Variants in ESRRG observed in about 807,000 individuals in gnomAD.
The protein encoded by ESRRG is estrogen-related receptor gamma.
In ESRRG, 13 loss-of-function variants were observed where a neutral mutation model predicts 44.0. The observed-to-expected ratio is 0.30, with a 90% CI of 0.19 to 0.47. The LOEUF (loss-of-function observed/expected upper bound fraction) is 0.47. ESRRG is among the 20% of genes least tolerant of loss of function. The probability of loss-of-function intolerance (pLI) is 1.00; values close to 1 mark genes in which losing one functional copy is unlikely to be tolerated. For synonymous variants in ESRRG, 215 were observed against 214.6 expected (o/e 1.00, Z -0.02); for missense variants, 395 against 580.6 (o/e 0.68, Z 3.29).
intron 2 of ESRRG, among the ~76,000 whole-genome samples, chr1:216,773,135 C>G (rs2093450013): frequency 6.6e-6 from 1 of 151,962 alleles, no homozygotes; most frequent in South Asian, 2.1e-4. Context: ...GAATCTCAAT[C>G]AAGTAAAGGA....
At chr1:217,005,061 G>T (rs1176928087) in intron 1 of ESRRG, among the ~76,000 whole-genome samples, 1 of 152,150 alleles carries the variant, frequency 6.6e-6, no homozygotes, top group Non-Finnish European at 1.5e-5. Flanking sequence ...AGATAACTCA[G>T]TGTTGTCAAA....
chr1:216,869,821 T>C (rs908161633), intron 2 of ESRRG, among the ~76,000 whole-genome samples: 2 of 152,024 alleles, frequency 1.3e-5, no homozygotes, highest in African/African-American at 2.4e-5. Flanking sequence ...ATAATTTTTT[T>C]AAATTTTTTA....
intron 1 of ESRRG, among the ~76,000 whole-genome samples, chr1:217,022,693 G>A (rs2080533042): frequency 6.6e-6 from 1 of 152,154 alleles, no homozygotes; most frequent in Non-Finnish European, 1.5e-5. Context: ...TTTCATGACC[G>A]AGTAAAATGG....
At chr1:216,939,359 A>AAAAAAC (rs2064783401) in intron 2 of ESRRG, among the ~76,000 whole-genome samples, 2 of 149,248 alleles carry the variant, frequency 1.3e-5, no homozygotes, top group African/African-American at 5.0e-5. Flanking sequence ...AAAAAAAAAA[A>AAAAAAC]AAAAAAAAAA....
At chr1:216,686,481 A>C (rs3900668) in intron 1 of ESRRG, among the ~76,000 whole-genome samples, 120,701 of 148,750 alleles carry the variant, frequency 0.81, 49,071 homozygotes, top group African/African-American at 0.83. Flanking sequence ...TATTCAGCAG[A>C]AACATAGCAT....
At position 216,723,248 on chromosome 1, in the gene ESRRG, C is replaced by T. The variant is rs972031090; in HGVS notation, c.52G>A (p.Glu18Lys). 2 of 1,597,748 alleles carry T rather than the reference C, an allele frequency of 1.3e-6. No homozygotes were observed. Among genetic ancestry groups the T allele is most frequent in the Non-Finnish European group, 1.7e-6 (2 of 1,168,552 alleles). ...LPESFSLHYEEELLCRMSNKD... is the reference protein window; with the variant it reads ...LPESFSLHYEKELLCRMSNKD... ...GGAAAGAAAAAAGGTACCTACTCTTCCTCGTAGTGCAGGGAAAAAGATTCA... is the reference window on the plus strand; with the variant it reads ...GGAAAGAAAAAAGGTACCTACTCTTTCTCGTAGTGCAGGGAAAAAGATTCA... Residue 18 changes from glutamate to lysine, a missense_variant, in exon 1 of 7, where the codon GAA (glutamate) becomes AAA (lysine). Physicochemically the swap from Glu to Lys is moderately conservative, Grantham distance 56. Coordinates refer to ENST00000408911, the MANE Select transcript of ESRRG (RefSeq NM_001438.4).
intron 2 of ESRRG, among the ~76,000 whole-genome samples, chr1:216,816,614 A>C (rs558975129): frequency 6.6e-6 from 1 of 152,318 alleles, no homozygotes; most frequent in East Asian, 1.9e-4. Context: ...TGCATGCCTA[A>C]GTTTCCTGAA....
intron 5 of ESRRG, among the ~76,000 whole-genome samples, chr1:216,542,077 A>G (rs2053024955): frequency 1.5e-5 from 1 of 66,710 alleles, no homozygotes; most frequent in African/African-American, 7.4e-5. Context: ...TATGACAGAG[A>G]GAGAGAGAGA....
intron 2 of ESRRG, among the ~76,000 whole-genome samples, chr1:216,735,049 C>T (rs1341804091): frequency 6.6e-6 from 1 of 150,960 alleles, no homozygotes; most frequent in South Asian, 2.1e-4. Context: ...GCTGGGATTA[C>T]AGGTGCCTGC....
At chr1:216,727,773 C>T (rs1455091094), upstream of ESRRG, among the ~76,000 whole-genome samples, 1 of 152,016 alleles carries the variant, frequency 6.6e-6, no homozygotes, top group African/African-American at 2.4e-5. Context: ...ACCTCTTGTC[C>T]TATAAATCCA....
intron 3 of ESRRG, among the ~76,000 whole-genome samples, chr1:216,582,010 G>T (rs1328704579): frequency 1.3e-5 from 2 of 152,144 alleles, no homozygotes; most frequent in Admixed American, 1.3e-4. Context: ...TTATAAGTTG[G>T]TCACTATTTA....
At chr1:216,588,192 A>T (rs1453784452) in intron 3 of ESRRG, among the ~76,000 whole-genome samples, 1 of 152,202 alleles carries the variant, frequency 6.6e-6, no homozygotes, top group East Asian at 1.9e-4. Context: ...TAACGATTTA[A>T]CTTGATGGAT....
intron 2 of ESRRG, among the ~76,000 whole-genome samples, chr1:216,859,166 T>C (rs766005330): frequency 6.6e-6 from 1 of 152,074 alleles, no homozygotes; most frequent in African/African-American, 2.4e-5. Context: ...TACCCTACCA[T>C]CTAAAATAAT....
intron 3 of ESRRG, among the ~76,000 whole-genome samples, chr1:216,585,879 A>C (rs1278994149): frequency 6.6e-6 from 1 of 152,074 alleles, no homozygotes; most frequent in African/African-American, 2.4e-5. Flanking sequence ...TCTCTACTAA[A>C]AATACAAAAA....
In ESRRG at chr1:217,081,221, C is replaced by CTTTTTTTTTTTT. The variant is rs143325476; in HGVS notation, c.-106+8274_-106+8285dup. On this transcript the variant is annotated intron_variant, in intron 1 of 7. Transcript: ENST00000359162. The stretch of plus-strand genomic sequence containing the variant: ...TCAGTGAATTATAGATAAAAATATT[C>CTTTTTTTTTTTT]TTTTTTTTTTTTTTTTTTTTTTTGA... Among the ~76,000 whole-genome samples, 53 of 70,416 alleles carry CTTTTTTTTTTTT rather than the reference C, an allele frequency of 7.5e-4. 13 individuals are homozygous for CTTTTTTTTTTTT. The highest frequency in any genetic ancestry group is 1.2e-3 in the African/African-American group (20 of 16,608). 46.2% of individuals were successfully genotyped at this position (70,416 alleles called of 152,430 possible).
intron 1 of ESRRG, among the ~76,000 whole-genome samples, chr1:217,107,974 T>C (rs2092618013): frequency 1.3e-5 from 2 of 152,054 alleles, no homozygotes; most frequent in African/African-American, 4.8e-5. Context: ...ATTTAAAGCA[T>C]GTCATTCCTG....
At chr1:216,761,908 T>C (rs1267794732) in intron 2 of ESRRG, among the ~76,000 whole-genome samples, 2 of 152,124 alleles carry the variant, frequency 1.3e-5, no homozygotes, top group Non-Finnish European at 2.9e-5. Flanking sequence ...TGAGGGTGTA[T>C]ATATAGTTCT....
At chr1:216,689,645 G>A (rs1440735965) in intron 1 of ESRRG, among the ~76,000 whole-genome samples, 1 of 151,774 alleles carries the variant, frequency 6.6e-6, no homozygotes, top group Non-Finnish European at 1.5e-5. Context: ...AAGAGATATG[G>A]GAGATTATGA....
chr1:216,874,630 C>G (rs1190716034), intron 2 of ESRRG, among the ~76,000 whole-genome samples: 1 of 152,142 alleles, frequency 6.6e-6, no homozygotes, highest in Non-Finnish European at 1.5e-5. Flanking sequence ...GCATATAACT[C>G]TGTGATGATT....
Sources: gnomAD v4.1 joint callset for allele counts (sites outside exome capture counted in the v4.1 genomes callset) on GRCh38, gnomAD v4.1.1 for gene constraint, MANE v1.5 for transcripts, NCBI Gene and HGNC (gene_info 2026-07-23, HGNC 2026-07-21) for gene names.